Variants in GARS1 observed in about 807,000 individuals in gnomAD.
The protein encoded by GARS1 is glycyl-tRNA synthetase 1.
A neutral mutation model predicts 86.4 loss-of-function variants in GARS1; 46 were observed. That is an observed-to-expected ratio of 0.53 (90% CI 0.42 to 0.68). The LOEUF (loss-of-function observed/expected upper bound fraction) is 0.68. Among genes scored for constraint, GARS1 ranks in the 30% least tolerant of loss-of-function variants. The pLI is 0.00. For missense variants in GARS1, 797 were observed against 915.6 expected (o/e 0.87, Z 1.67); for synonymous variants, 342 against 329.8 (o/e 1.04, Z -0.40).
chr7:30,609,563 A>G (rs1449557017), intron 6 of GARS1, 22 bp from the exon 7 acceptor site: 1 of 1,605,240 alleles, frequency 6.2e-7, no homozygotes, highest in African/African-American at 1.3e-5. Flanking sequence ...CTTTTACACT[A>G]ATTTCTTTAT....
chr7:30,613,093 C>CA (rs1782803209), intron 8 of GARS1, among the ~76,000 whole-genome samples: 1 of 152,190 alleles, frequency 6.6e-6, no homozygotes, highest in Non-Finnish European at 1.5e-5. Flanking sequence ...AGACTTGGGT[C>CA]ATAACATAGC....
chr7:30,619,417 A>T (rs985275552), intron 10 of GARS1, among the ~76,000 whole-genome samples: 1 of 152,182 alleles, frequency 6.6e-6, no homozygotes, highest in African/African-American at 2.4e-5. Flanking sequence ...TTACCGTTGC[A>T]GTTAATGCCA....
intron 7 of GARS1, among the ~76,000 whole-genome samples, chr7:30,611,435 G>T (rs1349677490): frequency 6.6e-6 from 1 of 152,212 alleles, no homozygotes; most frequent in Non-Finnish European, 1.5e-5. Flanking sequence ...TGTACATGAT[G>T]ACTTAGAAGA....
In GARS1 at chr7:30,626,276, A is replaced by G. The variant is rs1397906475; in HGVS notation, c.1656A>G (p.Thr552=). 1.2e-6 allele frequency: 2 copies of G among 1,607,870 alleles called. No individual in the cohort carries two copies. The highest frequency in any genetic ancestry group is 1.7e-6 in the Non-Finnish European group (2 of 1,174,514). Residue 552 remains threonine, a synonymous_variant, in exon 13 of 17, where the codon ACA becomes ACG. Transcript: ENST00000389266. ...IETEGKTFQL[T]KDMINVKRFQ... ...CTGAAGGGAAAACATTTCAGTTAAC[A>G]AAAGACATGATCAATGTGAAGAGAT...
intron 4 of GARS1, among the ~76,000 whole-genome samples, chr7:30,602,084 TTTTA>T (rs1312040011): frequency 1.4e-5 from 2 of 147,952 alleles, no homozygotes; most frequent in Admixed American, 6.8e-5. Context: ...AAAGGAATTC[TTTTA>T]TTTATTTATT....
Position 30,632,403 on chromosome 7 carries a change from G to T in GARS1, c.2060G>T (p.Arg687Met). Residue 687 changes from arginine to methionine, a missense_variant, in exon 16 of 17, where the codon AGG (arginine) becomes ATG (methionine). Around this residue, in one of 2 missense-constraint regions of GARS1, gnomAD observed 598 missense variants for 738.7 expected, o/e 0.81. Coordinates refer to ENST00000389266, the MANE Select transcript of GARS1 (RefSeq NM_002047.4). This position sits in a 1 kb window ranked among gnomAD's most constrained non-coding sequence, Gnocchi z 4.1. ...VNKTPHTATL[R>M]DRDSMRQIRA... Reference sequence around the variant, plus strand: ...AAGACCCCCCACACTGCAACTCTGAGGGACCGTGACTCAATGCGGCAGATA... The same window carrying T: ...AAGACCCCCCACACTGCAACTCTGATGGACCGTGACTCAATGCGGCAGATA... The T allele has an allele frequency of 6.2e-7, 1 of 1,614,162 alleles. No homozygotes were observed. The highest frequency in any genetic ancestry group is 8.5e-7 in the Non-Finnish European group (1 of 1,180,006).
At chr7:30,628,820 A>G (rs964717759) in intron 14 of GARS1, 151 bp downstream of exon 14, 3 of 575,380 alleles carry the variant, frequency 5.2e-6, no homozygotes, top group African/African-American at 3.8e-5. Flanking sequence ...TTAAGTATGT[A>G]TAGACAAACC....
In GARS1 at chr7:30,603,554, G is replaced by T. The variant is rs764682456; in HGVS notation, c.717G>T (p.Met239Ile). 6.2e-7 allele frequency: 1 copy of T among 1,613,770 alleles called. No homozygotes were observed. Among genetic ancestry groups the T allele is most frequent in the South Asian group, 1.1e-5 (1 of 91,066 alleles). ...KKCSVEKKSEMESVLAQLDNY... is the reference protein window; with the variant it reads ...KKCSVEKKSEIESVLAQLDNY... ...GTTCTGTCGAAAAGAAATCAGAAATGGAAAGTGTTTTGGCCCAGGTGAGTA... is the reference window on the plus strand; with the variant it reads ...GTTCTGTCGAAAAGAAATCAGAAATTGAAAGTGTTTTGGCCCAGGTGAGTA... Residue 239 changes from methionine (M) to isoleucine (I), a missense_variant, in exon 6 of 17, where the codon ATG becomes ATT. By Grantham distance (10) the Met-to-Ile change is conservative (BLOSUM62 1). Around this residue, in one of 2 missense-constraint regions of GARS1, gnomAD observed 598 missense variants for 738.7 expected, o/e 0.81. Coordinates refer to ENST00000389266, the MANE Select transcript of GARS1 (RefSeq NM_002047.4).
At chr7:30,603,246 T>A in intron 5 of GARS1, 124 bp downstream of exon 5, 2 of 813,332 alleles carry the variant, frequency 2.5e-6, no homozygotes, top group Non-Finnish European at 4.1e-6. Context: ...GCACAGATCT[T>A]AAGTATATAG....
intron 1 of GARS1, chr7:30,595,737 G>A (rs1791233265): frequency 2.1e-6 from 1 of 470,822 alleles, no homozygotes; most frequent in Non-Finnish European, 4.4e-6. Flanking sequence ...GAATTGAAAT[G>A]TGGATGTGGG....
intron 13 of GARS1, chr7:30,626,925 G>A (rs1783140953): frequency 5.9e-6 from 2 of 340,154 alleles, no homozygotes; most frequent in African/African-American, 2.2e-5. Context: ...AGGTTGGAGT[G>A]AGCCGAGATC....
intron 10 of GARS1, among the ~76,000 whole-genome samples, chr7:30,619,901 C>G (rs1474079459): frequency 6.6e-6 from 1 of 151,584 alleles, no homozygotes; most frequent in African/African-American, 2.4e-5. Context: ...CCTCGGCCTC[C>G]CAAATAGCTG....
chr7:30,623,456 T>C (rs1783061139), intron 12 of GARS1, among the ~76,000 whole-genome samples: 1 of 152,122 alleles, frequency 6.6e-6, no homozygotes, highest in East Asian at 1.9e-4. Context: ...TTAGAGGCAA[T>C]ATCTCAAATG....
Position 30,612,091 on chromosome 7 carries a change from T to G in GARS1, c.882-5T>G. On this transcript the variant is annotated splice_polypyrimidine_tract_variant and splice_region_variant and intron_variant, in intron 7 of 16. Transcript: ENST00000389266. ...TGTAACAGACTGACTTACTTAAATT[T>G]ATAGGTACTTGAGACCAGAAACTGC... The G allele has an allele frequency of 6.2e-7, 1 of 1,612,384 alleles. No individual in the cohort carries two copies. The highest frequency in any genetic ancestry group is 8.5e-7 in the Non-Finnish European group (1 of 1,178,388).
chr7:30,616,242 C>A (rs1782887537), intron 9 of GARS1, among the ~76,000 whole-genome samples, 184 bp downstream of exon 9: 1 of 152,090 alleles, frequency 6.6e-6, no homozygotes, highest in African/African-American at 2.4e-5. Context: ...ATCACCTGAA[C>A]ATCTCAATTT....
chr7:30,614,473 T>G (rs960725081), intron 8 of GARS1, among the ~76,000 whole-genome samples: 2 of 152,220 alleles, frequency 1.3e-5, no homozygotes, highest in Non-Finnish European at 2.9e-5. Flanking sequence ...TGTTTGTTTC[T>G]CTCACATTTA....
intron 13 of GARS1, 97 bp from the exon 14 acceptor site, chr7:30,628,463 G>T: frequency 1.1e-6 from 1 of 882,730 alleles, no homozygotes; most frequent in Non-Finnish European, 1.9e-6. Context: ...GGGATTACAG[G>T]TGTGAGCCAC....
chr7:30,601,546 G>T (rs1035342531), intron 4 of GARS1, among the ~76,000 whole-genome samples: 2 of 152,156 alleles, frequency 1.3e-5, no homozygotes, highest in African/African-American at 4.8e-5. Flanking sequence ...TTATGGAAGT[G>T]CCATAATATG....
At chr7:30,617,814 C>T (rs1236508257) in intron 10 of GARS1, among the ~76,000 whole-genome samples, 1 of 152,180 alleles carries the variant, frequency 6.6e-6, no homozygotes, top group Non-Finnish European at 1.5e-5. Context: ...GTCACCCCTC[C>T]AGCCTCCACC....
Sources: allele counts gnomAD v4.1 joint callset (sites outside exome capture counted in the v4.1 genomes callset), GRCh38; gene constraint gnomAD v4.1.1; regional missense constraint gnomAD v4.1.1; non-coding constraint Gnocchi (gnomAD v3.1); transcripts MANE v1.5; gene names NCBI Gene and HGNC (gene_info 2026-07-23, HGNC 2026-07-21).